Variants in AFF3 observed in about 807,000 individuals in gnomAD.
AFF3 encodes AF4/FMR2 family member 3.
In AFF3, 32 loss-of-function variants were observed where a neutral mutation model predicts 129.7. The ratio of observed to expected loss-of-function variants is 0.25; its 90% CI spans 0.19 to 0.33. AFF3 has a LOEUF of 0.33. AFF3 is among the 10% of genes least tolerant of loss of function. AFF3 has a pLI of 1.00. For missense variants in AFF3, 1,373 were observed against 1,592.0 expected (o/e 0.86, Z 2.34); for synonymous variants, 644 against 635.4 (o/e 1.01, Z -0.20).
chr2:99,985,541 C>T (rs1053453079), intron 7 of AFF3, among the ~76,000 whole-genome samples: 1 of 151,980 alleles, frequency 6.6e-6, no homozygotes, highest in African/African-American at 2.4e-5. Context: ...AAAATTACAG[C>T]AAAAAGTGAG....
At chr2:99,899,411 G>A (rs1023055352) in intron 7 of AFF3, among the ~76,000 whole-genome samples, 1 of 152,156 alleles carries the variant, frequency 6.6e-6, no homozygotes, top group Non-Finnish European at 1.5e-5. Flanking sequence ...ACTATTTACT[G>A]GAATCACTGT....
rs55713850 is a variant in AFF3 at position 100,055,462 on chromosome 2, T to TAAAAAA, written c.54-46536_54-46531dup. 6.2e-3 allele frequency among the ~76,000 whole-genome samples: 801 copies of TAAAAAA among 128,440 alleles called. 8 individuals carry two copies. The highest frequency in any genetic ancestry group is 0.023 in the African/African-American group (773 of 33,694). The allele number at this position is 128,440 out of a possible 152,430, so 84.3% of individuals were successfully genotyped here. ...TCACATTACAATCACCTAGAAATCT[T>TAAAAAA]AAAAAAAAAAAAAAAAGAAAAGAAA... On this transcript the variant is annotated intron_variant, in intron 4 of 24. Transcript: ENST00000672756.
intron 4 of AFF3, among the ~76,000 whole-genome samples, chr2:100,017,266 C>A (rs918980662): frequency 6.6e-6 from 1 of 152,166 alleles, no homozygotes; most frequent in Non-Finnish European, 1.5e-5. Context: ...TTTCCCCCAA[C>A]AGCACTATAA....
In AFF3 at chr2:100,055,311, G is replaced by A. The variant is rs1052308610; in HGVS notation, c.54-46379C>T. Among the ~76,000 whole-genome samples, 4 of 152,014 alleles carry A rather than the reference G, an allele frequency of 2.6e-5. No homozygotes were observed. The East Asian group carries it at 5.8e-4, about 22-fold the overall frequency. On this transcript the variant is annotated intron_variant, in intron 4 of 24. Coordinates refer to ENST00000672756, the MANE Select transcript of AFF3 (RefSeq NM_001386135.1). ...GAACCATGTCCACCTCTCCCTCTGT[G>A]TCATCCAGAGATTGGATTGCACAGT... is the stretch of plus-strand genomic sequence containing the variant.
intron 8 of AFF3, among the ~76,000 whole-genome samples, chr2:99,819,064 T>A (rs996045485): frequency 6.6e-6 from 1 of 152,242 alleles, no homozygotes; most frequent in Non-Finnish European, 1.5e-5. Context: ...GCAGCCAATT[T>A]ACCTGGCGTA....
At chr2:100,107,104 G>A in intron 2 of AFF3, 1 of 985,440 alleles carries the variant, frequency 1.0e-6, no homozygotes, top group Non-Finnish European at 1.2e-6. Flanking sequence ...CATGGGGATA[G>A]TTGGATTGAT....
intron 8 of AFF3, among the ~76,000 whole-genome samples, chr2:99,759,386 G>A (rs1290588475): frequency 2.6e-5 from 4 of 152,112 alleles, no homozygotes; most frequent in Non-Finnish European, 4.4e-5. Context: ...AAGAGCATTT[G>A]GATTTACTAA....
At chr2:100,004,600 A>G (rs1312520792) in intron 7 of AFF3, among the ~76,000 whole-genome samples, 1 of 152,040 alleles carries the variant, frequency 6.6e-6, no homozygotes, top group Non-Finnish European at 1.5e-5. Flanking sequence ...TGCGGATTTT[A>G]TTGGAATAGC....
intron 4 of AFF3, among the ~76,000 whole-genome samples, chr2:100,042,694 A>C (rs1312095280): frequency 2.0e-5 from 3 of 152,216 alleles, no homozygotes; most frequent in African/African-American, 7.2e-5. Context: ...TATTAAGTCA[A>C]GACATGTCAT....
At chr2:99,968,689 C>T (rs375586983) in intron 7 of AFF3, among the ~76,000 whole-genome samples, 1 of 152,106 alleles carries the variant, frequency 6.6e-6, no homozygotes, top group Non-Finnish European at 1.5e-5. Context: ...AGACGAGAAA[C>T]GAGAAACACA....
intron 7 of AFF3, among the ~76,000 whole-genome samples, chr2:99,908,085 G>A (rs1694845440): frequency 6.6e-6 from 1 of 152,106 alleles, no homozygotes; most frequent in Non-Finnish European, 1.5e-5. Flanking sequence ...ATTTTAATCT[G>A]TTTTGGCTAT....
intron 7 of AFF3, among the ~76,000 whole-genome samples, chr2:99,990,214 T>C (rs1680217804): frequency 6.6e-6 from 1 of 152,194 alleles, no homozygotes; most frequent in Non-Finnish European, 1.5e-5. Flanking sequence ...CACTACTTAA[T>C]TGAATATAAT....
chr2:99,836,788 T>G (rs576434754), intron 8 of AFF3, among the ~76,000 whole-genome samples: 3 of 152,154 alleles, frequency 2.0e-5, no homozygotes, highest in African/African-American at 7.2e-5. Context: ...ATCAGCTTTT[T>G]GAGAACTATA....
intron 4 of AFF3, among the ~76,000 whole-genome samples, chr2:100,086,704 T>C (rs1392468319): frequency 3.3e-5 from 5 of 152,250 alleles, no homozygotes; most frequent in Non-Finnish European, 7.3e-5. Context: ...TGAAAAAAGA[T>C]GTTTCTAGCT....
At chr2:100,111,399 A>G (rs779923802) in intron 2 of AFF3, among the ~76,000 whole-genome samples, 6 of 152,282 alleles carry the variant, frequency 3.9e-5, no homozygotes, top group African/African-American at 9.6e-5. Flanking sequence ...AGTTCACTCC[A>G]ATTGTAAGCA....
At chr2:99,976,402 C>T (rs1271332994) in intron 7 of AFF3, among the ~76,000 whole-genome samples, 1 of 152,142 alleles carries the variant, frequency 6.6e-6, no homozygotes. Flanking sequence ...TGTATGGCAT[C>T]GTTCCCGCAG....
At chr2:99,809,221 T>G (rs568066710) in intron 8 of AFF3, among the ~76,000 whole-genome samples, 1 of 152,278 alleles carries the variant, frequency 6.6e-6, no homozygotes, top group Non-Finnish European at 1.5e-5. Flanking sequence ...TACTTGGACA[T>G]GGGAGTGAAG....
chr2:99,694,090 G>A (rs1675939909), intron 11 of AFF3, among the ~76,000 whole-genome samples: 1 of 151,944 alleles, frequency 6.6e-6, no homozygotes, highest in Non-Finnish European at 1.5e-5. Flanking sequence ...GCTAATTTTT[G>A]TATTTTTAGT....
intron 11 of AFF3, among the ~76,000 whole-genome samples, chr2:99,675,299 T>C (rs909839530): frequency 2.6e-5 from 4 of 152,162 alleles, no homozygotes; most frequent in East Asian, 1.9e-4. Context: ...AAAGTGGCCA[T>C]GGAAACACAA....
Sources: gnomAD v4.1 joint callset for allele counts (sites outside exome capture counted in the v4.1 genomes callset) on GRCh38, gnomAD v4.1.1 for gene constraint, MANE v1.5 for transcripts, NCBI Gene and HGNC (gene_info 2026-07-23, HGNC 2026-07-21) for gene names.